The following COBL variants were observed in gnomAD, a reference collection of about 807,000 sequenced individuals.
The protein encoded by COBL is cordon-bleu WH2 repeat protein.
COBL carries 51 observed loss-of-function variants against 98.8 expected under a neutral mutation model. That is an observed-to-expected ratio of 0.52 (90% CI 0.41 to 0.65). COBL has a LOEUF of 0.65. COBL is among the 30% of genes least tolerant of loss of function. The probability of loss-of-function intolerance (pLI) is 0.00; values close to 1 mark genes in which losing one functional copy is unlikely to be tolerated. For missense variants in COBL, 1,617 were observed against 1,617.5 expected, an observed-to-expected ratio of 1.00 and a Z score of 0.01; for synonymous variants, 634 against 651.7, an observed-to-expected ratio of 0.97 and a Z score of 0.41.
chr7:51,133,656 G>A (rs1798956933), intron 6 of COBL, among the ~76,000 whole-genome samples: 1 of 152,172 alleles, frequency 6.6e-6, no homozygotes, highest in African/African-American at 2.4e-5. Context: ...AATCATTCTG[G>A]TCTGAAGTTT....
In COBL at chr7:51,244,704, G is replaced by A. The variant is rs370174305; in HGVS notation, c.42-24760C>T. On this transcript the variant is annotated intron_variant, in intron 1 of 12. Transcript: ENST00000265136. ...AAACAGGCCCTCCCCACAAAGTCAC[G>A]TGCGGTGACCCCAACAGGGCCCTCA... Among the ~76,000 whole-genome samples the A allele has an allele frequency of 5.1e-4, 78 of 152,248 alleles. No homozygotes were observed. The South Asian group carries it at 0.015, about 29-fold the overall frequency.
chr7:51,257,925 G>A (rs1323231796), intron 1 of COBL, among the ~76,000 whole-genome samples: 2 of 152,142 alleles, frequency 1.3e-5, no homozygotes. Flanking sequence ...ATGAGGAAAT[G>A]TTTTGATTAA....
intron 1 of COBL, among the ~76,000 whole-genome samples, chr7:51,244,724 C>A (rs1255621239): frequency 2.0e-5 from 3 of 152,112 alleles, no homozygotes; most frequent in Non-Finnish European, 4.4e-5. Context: ...CCCAACAGGG[C>A]CCTCAGGTAG....
chr7:51,280,014 A>T (rs1001590802), intron 1 of COBL, among the ~76,000 whole-genome samples: 8 of 152,176 alleles, frequency 5.3e-5, no homozygotes, highest in Non-Finnish European at 1.2e-4. Flanking sequence ...TTATAAGAAA[A>T]ATCATTTAGA....
chr7:51,296,509 G>C (rs1326846736), intron 1 of COBL, among the ~76,000 whole-genome samples: 2 of 151,916 alleles, frequency 1.3e-5, no homozygotes, highest in South Asian at 2.1e-4. Flanking sequence ...AAGTTAACTT[G>C]TGTAAAGTTA....
At chr7:51,051,236 G>T (rs1348720419) in intron 7 of COBL, among the ~76,000 whole-genome samples, 1 of 152,180 alleles carries the variant, frequency 6.6e-6, no homozygotes, top group Non-Finnish European at 1.5e-5. Context: ...TCATAGATGA[G>T]AAGGCATATG....
intron 6 of COBL, among the ~76,000 whole-genome samples, chr7:51,098,939 G>C (rs1795556433): frequency 6.6e-6 from 1 of 152,054 alleles, no homozygotes; most frequent in African/African-American, 2.4e-5. Context: ...GATTTACAAA[G>C]AGGCAAAGAA....
intron 2 of COBL, among the ~76,000 whole-genome samples, chr7:51,201,037 G>A (rs1401357068): frequency 1.3e-5 from 2 of 151,956 alleles, no homozygotes; most frequent in Non-Finnish European, 2.9e-5. Flanking sequence ...TCAGGAGTTC[G>A]AGACCAGCCT....
At chr7:51,072,118 C>T (rs1037734651) in intron 7 of COBL, 1 of 151,746 alleles carries the variant, frequency 6.6e-6, no homozygotes, top group African/African-American at 2.4e-5. Context: ...AGGCAACAAT[C>T]CTACATGTCA....
chr7:51,167,829 C>T (rs1188603878), intron 5 of COBL, among the ~76,000 whole-genome samples: 2 of 152,100 alleles, frequency 1.3e-5, no homozygotes, highest in Non-Finnish European at 1.5e-5. Context: ...GGGATAACAG[C>T]GTCTCTTTAA....
chr7:51,252,619 A>G (rs1796825436), intron 1 of COBL, among the ~76,000 whole-genome samples: 1 of 152,166 alleles, frequency 6.6e-6, no homozygotes, highest in Admixed American at 6.6e-5. Context: ...TTCAGATTAA[A>G]AGCTTTTTGG....
Position 51,025,183 on chromosome 7 carries a change from T to C in COBL, c.3694A>G (p.Ser1232Gly), listed in dbSNP as rs779641267. 2.0e-5 allele frequency: 30 copies of C among 1,532,958 alleles called. No individual in the cohort carries two copies. Among genetic ancestry groups the C allele is most frequent in the Non-Finnish European group, 2.6e-5 (30 of 1,136,558 alleles). 95.0% of individuals were successfully genotyped at this position (1,532,958 alleles called of 1,614,324 possible). A position where few individuals can be genotyped will look rare whatever the true frequency, so the allele number is the denominator to read the frequency against. Residue 1232 changes from serine (S) to glycine (G), a missense_variant, in exon 12 of 13, where the codon AGC becomes GGC. Transcript: ENST00000265136. ...GCTTGCCTTGCGTCTGCGGTGTTGCTGAGGGTGCCCGTGCTGAACCTGGAG... is the reference window on the plus strand; with the variant it reads ...GCTTGCCTTGCGTCTGCGGTGTTGCCGAGGGTGCCCGTGCTGAACCTGGAG... ...TASRFSTGTL[S>G]NTADARQALM...
intron 1 of COBL, among the ~76,000 whole-genome samples, chr7:51,268,021 T>A (rs2129158840): frequency 6.6e-6 from 1 of 152,308 alleles, no homozygotes; most frequent in African/African-American, 2.4e-5. Context: ...AAGTGGAAGA[T>A]CCCTGCCCTG....
At chr7:51,128,926 C>A (rs531129371) in intron 6 of COBL, among the ~76,000 whole-genome samples, 19 of 152,228 alleles carry the variant, frequency 1.2e-4, no homozygotes, top group Non-Finnish European at 2.1e-4. Flanking sequence ...CCCGACCTCG[C>A]ACTGAGGGAA....
intron 1 of COBL, among the ~76,000 whole-genome samples, chr7:51,269,808 G>T (rs949896166): frequency 3.9e-5 from 6 of 152,180 alleles, no homozygotes; most frequent in Non-Finnish European, 7.3e-5. Context: ...TTACACCAAT[G>T]CTCCCCATCC....
chr7:51,126,010 T>G (rs59577800), intron 6 of COBL, among the ~76,000 whole-genome samples: 2,627 of 152,316 alleles, frequency 0.017, 83 homozygotes, highest in African/African-American at 0.059. Flanking sequence ...CTCCTCTGAA[T>G]GCCTTTTAGT....
intron 1 of COBL, among the ~76,000 whole-genome samples, chr7:51,279,976 T>C (rs1227194355): frequency 6.6e-6 from 1 of 152,152 alleles, no homozygotes; most frequent in Admixed American, 6.5e-5. Context: ...TAATATTCCA[T>C]TGCCTGAATA....
At chr7:51,230,651 T>C (rs1794657148) in intron 1 of COBL, among the ~76,000 whole-genome samples, 2 of 152,210 alleles carry the variant, frequency 1.3e-5, no homozygotes, top group Non-Finnish European at 2.9e-5. Flanking sequence ...TGAAGATGAA[T>C]ATTCCTCAAG....
Position 51,259,460 on chromosome 7 carries a change from T to C in COBL, c.42-39516A>G. ...CAGCTGGTGGATGAGCTGATTGATG[T>C]GTTCACCCCGACAGCCAGGTGGGGC... On this transcript the variant is annotated intron_variant, in intron 1 of 12. Transcript: ENST00000265136. 5.6e-6 allele frequency: 3 copies of C among 540,534 alleles called. No individual in the cohort carries two copies. The East Asian group carries it at 1.1e-4, about 20-fold the overall frequency. 33.5% of individuals were successfully genotyped at this position (540,534 alleles called of 1,614,324 possible).
Sources: gnomAD v4.1 joint callset for allele counts (sites outside exome capture counted in the v4.1 genomes callset) on GRCh38, gnomAD v4.1.1 for gene constraint, MANE v1.5 for transcripts, NCBI Gene and HGNC (gene_info 2026-07-23, HGNC 2026-07-21) for gene names.